The following ACTR3B variants were observed in gnomAD, a reference collection of about 807,000 sequenced individuals.
ACTR3B encodes actin-related protein 3B.
In ACTR3B, 8 loss-of-function variants were observed where a neutral mutation model predicts 59.0. That is an observed-to-expected ratio of 0.14 (90% CI 0.08 to 0.24). The LOEUF (loss-of-function observed/expected upper bound fraction) is 0.24. Ranked by LOEUF, ACTR3B falls within the 10% of genes least tolerant of loss-of-function variation. The probability of loss-of-function intolerance (pLI) is 1.00; values close to 1 mark genes in which losing one functional copy is unlikely to be tolerated. For synonymous variants in ACTR3B, 148 were observed against 197.9 expected, an observed-to-expected ratio of 0.75 and a Z score of 2.12; for missense variants, 245 against 552.3, an observed-to-expected ratio of 0.44 and a Z score of 5.58.
At chr7:152,805,820 C>G (rs573257781) in intron 4 of ACTR3B, among the ~76,000 whole-genome samples, 4 of 152,328 alleles carry the variant, frequency 2.6e-5, no homozygotes, top group Non-Finnish European at 5.9e-5. Context: ...TCTCCTATCT[C>G]GCTTCCTTGA....
intron 9 of ACTR3B, among the ~76,000 whole-genome samples, chr7:152,825,782 G>A (rs1197026980): frequency 6.6e-6 from 1 of 152,170 alleles, no homozygotes; most frequent in Non-Finnish European, 1.5e-5. Context: ...TTTGGGTTTG[G>A]TGCCAATGTG....
Position 152,824,724 on chromosome 7 carries a change from AC to A in ACTR3B, c.859-305del, listed in dbSNP as rs1796438445. On this transcript the variant is annotated intron_variant, in intron 8 of 11. Transcript: ENST00000256001. The surrounding 1 kb of genome is among the most constrained non-coding windows in gnomAD (Gnocchi z 4.2). ...TGCGTGTCACATAGATCGTGCACAT[AC>A]TCTCCACTGCTCTTAGTAGACTGAA... 6.6e-6 allele frequency among the ~76,000 whole-genome samples: 1 copy of A among 151,730 alleles called. No homozygotes were observed.
intron 1 of ACTR3B, among the ~76,000 whole-genome samples, chr7:152,771,503 A>G (rs2098123790): frequency 6.6e-6 from 1 of 152,200 alleles, no homozygotes; most frequent in Admixed American, 6.5e-5. Flanking sequence ...ACTTCCTGAA[A>G]TTACGTAGAC....
chr7:152,819,074 GT>G (rs1220150708), intron 6 of ACTR3B, among the ~76,000 whole-genome samples: 7 of 152,170 alleles, frequency 4.6e-5, no homozygotes, highest in Admixed American at 3.9e-4. Context: ...ATTGTGAATA[GT>G]TTATGTATTA....
chr7:152,773,636 AAAAG>A (rs1412164276), intron 1 of ACTR3B, among the ~76,000 whole-genome samples: 1 of 152,232 alleles, frequency 6.6e-6, no homozygotes. Flanking sequence ...AATGCACAGT[AAAAG>A]AAAGCGTGAG....
intron 1 of ACTR3B, among the ~76,000 whole-genome samples, chr7:152,782,946 A>G (rs1228282024): frequency 6.6e-6 from 1 of 151,654 alleles, no homozygotes; most frequent in Non-Finnish European, 1.5e-5. Context: ...GTTAGTATAT[A>G]TGTGTTTCTT....
rs891192104 is a variant in ACTR3B, at chr7:152,759,793, A to T, written c.-90A>T. 3 of 1,038,622 alleles carry T rather than the reference A, an allele frequency of 2.9e-6. No homozygotes were observed. The highest frequency in any genetic ancestry group is 3.6e-6 in the Non-Finnish European group (3 of 842,604). 64.3% of individuals were successfully genotyped at this position (1,038,622 alleles called of 1,614,324 possible). A position where few individuals can be genotyped will look rare whatever the true frequency, so the allele number is the denominator to read the frequency against. Reference sequence around the variant, plus strand: ...GCGGCGCTGCGGCGGCTCGCGGGAGACGCTGCGCGCGGGGCTAGCGGGCGG... The same window carrying T: ...GCGGCGCTGCGGCGGCTCGCGGGAGTCGCTGCGCGCGGGGCTAGCGGGCGG... On this transcript the variant is annotated 5_prime_UTR_variant, in exon 1 of 12. Coordinates refer to ENST00000256001, the MANE Select transcript of ACTR3B (RefSeq NM_020445.6).
chr7:152,796,875 T>G (rs867637588), intron 2 of ACTR3B, among the ~76,000 whole-genome samples: 1,931 of 104,346 alleles, frequency 0.019, 51 homozygotes, highest in African/African-American at 0.025. Flanking sequence ...TTTTTTTTTT[T>G]TTTTTTTTTT....
At chr7:152,761,186 G>T (rs2098088263) in intron 1 of ACTR3B, among the ~76,000 whole-genome samples, 1 of 151,994 alleles carries the variant, frequency 6.6e-6, no homozygotes, top group Non-Finnish European at 1.5e-5. Flanking sequence ...CTTTATTTTA[G>T]AACTTGCTTT....
chr7:152,854,246 C>G lies in ACTR3B; in HGVS notation c.1162-212C>G, dbSNP rs1180555563. Among the ~76,000 whole-genome samples, 1 of 152,144 alleles carries G rather than the reference C, an allele frequency of 6.6e-6. No homozygotes were observed. Among genetic ancestry groups the G allele is most frequent in the Non-Finnish European group, 1.5e-5 (1 of 68,042 alleles). On this transcript the variant is annotated intron_variant, in intron 11 of 11. Transcript: ENST00000256001. This position sits in a 1 kb window ranked among gnomAD's most constrained non-coding sequence, Gnocchi z 4.9. ...AGTGGGGGACCGGCATTTGGTTGGTCCTAAGAAGATACAGGCTGATGAAAT... is the reference window on the plus strand; with the variant it reads ...AGTGGGGGACCGGCATTTGGTTGGTGCTAAGAAGATACAGGCTGATGAAAT...
intron 4 of ACTR3B, among the ~76,000 whole-genome samples, chr7:152,808,775 T>C (rs547290009): frequency 6.6e-5 from 10 of 152,342 alleles, no homozygotes; most frequent in African/African-American, 2.2e-4. Context: ...TCTTCTGGGA[T>C]GAGATACAAT....
chr7:152,773,388 A>G (rs1489353239), intron 1 of ACTR3B, among the ~76,000 whole-genome samples: 1 of 152,132 alleles, frequency 6.6e-6, no homozygotes, highest in Non-Finnish European at 1.5e-5. Context: ...AGAGTTCGAG[A>G]CCAGCCTGGC....
intron 9 of ACTR3B, among the ~76,000 whole-genome samples, chr7:152,827,517 C>T (rs1463831199): frequency 2.0e-5 from 3 of 151,326 alleles, no homozygotes; most frequent in Non-Finnish European, 4.4e-5. Context: ...AAAAATTAAT[C>T]CAAAATCTCA....
intron 7 of ACTR3B, among the ~76,000 whole-genome samples, chr7:152,821,072 C>T (rs1796110050): frequency 6.6e-6 from 1 of 152,082 alleles, no homozygotes; most frequent in Admixed American, 6.5e-5. Context: ...GCAGGCTCTG[C>T]AGTTGGGTAT....
chr7:152,853,082 C>T (rs531226854), intron 10 of ACTR3B, among the ~76,000 whole-genome samples: 6 of 152,066 alleles, frequency 3.9e-5, no homozygotes, highest in South Asian at 2.1e-4. Context: ...CGAGCTACCA[C>T]GCCCGGCCAG....
At chr7:152,794,096 A>G (rs1228753909) in intron 2 of ACTR3B, among the ~76,000 whole-genome samples, 2 of 152,168 alleles carry the variant, frequency 1.3e-5, no homozygotes, top group Non-Finnish European at 2.9e-5. Flanking sequence ...AAATATTTGG[A>G]ATATAAGCTC....
intron 7 of ACTR3B, among the ~76,000 whole-genome samples, chr7:152,821,934 C>A (rs1796203081): frequency 6.6e-6 from 1 of 152,244 alleles, no homozygotes; most frequent in Non-Finnish European, 1.5e-5. Flanking sequence ...GAATCCTGAA[C>A]CTTAAGGTTA....
At chr7:152,820,264 C>T in intron 6 of ACTR3B, 35 bp from the exon 7 acceptor site, 2 of 1,574,448 alleles carry the variant, frequency 1.3e-6, no homozygotes, top group Non-Finnish European at 1.7e-6. Flanking sequence ...CACGAAATCA[C>T]TAACACAGCT....
chr7:152,759,987 C>G (rs1178675160), intron 1 of ACTR3B, 61 bp downstream of exon 1: 8 of 1,276,754 alleles, frequency 6.3e-6, no homozygotes, highest in African/African-American at 1.5e-5. Context: ...CCCCTGGCGT[C>G]CACCTCGCCT....
Sources: allele counts gnomAD v4.1 joint callset (sites outside exome capture counted in the v4.1 genomes callset), GRCh38; gene constraint gnomAD v4.1.1; non-coding constraint Gnocchi (gnomAD v3.1); transcripts MANE v1.5; gene names NCBI Gene and HGNC (gene_info 2026-07-23, HGNC 2026-07-21).